ENTREP2: variants seen among roughly 807,000 people sequenced by gnomAD.
The protein encoded by ENTREP2 is endosomal transmembrane epsin interactor 2.
the ENTREP2 span, among the ~76,000 whole-genome samples, chr15:29,174,702 CAAAACAACA>C: frequency 8.6e-6 from 1 of 115,984 alleles, no homozygotes; most frequent in African/African-American, 4.2e-5. Context: ...CAAAACAAAA[CAAAACAACA>C]AAAAAAAAAA....
the ENTREP2 span, among the ~76,000 whole-genome samples, chr15:29,381,455 C>CAAAAA: frequency 2.5e-4 from 11 of 44,294 alleles, no homozygotes; most frequent in African/African-American, 7.8e-4. Flanking sequence ...GACTCTGTCT[C>CAAAAA]AAAAAAAAAA....
At chr15:29,142,065 C>G in the ENTREP2 span, among the ~76,000 whole-genome samples, 13 of 152,178 alleles carry the variant, frequency 8.5e-5, no homozygotes, top group African/African-American at 2.7e-4. Context: ...AAGCAGAAAC[C>G]GCTGCCAAGT....
At chr15:29,298,550 A>C in the ENTREP2 span, among the ~76,000 whole-genome samples, 1 of 152,178 alleles carries the variant, frequency 6.6e-6, no homozygotes. Context: ...TCCTACAGGC[A>C]TTAGAAAGCT....
chr15:29,123,584 T>G, the ENTREP2 span: 2 of 1,551,760 alleles, frequency 1.3e-6, no homozygotes, highest in East Asian at 4.9e-5. Context: ...TGGTCAGTTT[T>G]CCAGGTATCT....
chr15:29,220,606 C>T, the ENTREP2 span, among the ~76,000 whole-genome samples: 15 of 152,084 alleles, frequency 9.9e-5, no homozygotes, highest in Non-Finnish European at 1.5e-4. Flanking sequence ...TCCACAGGAA[C>T]GGTGGGAAAC....
chr15:29,465,094 C>A, the ENTREP2 span, among the ~76,000 whole-genome samples: 2 of 151,914 alleles, frequency 1.3e-5, no homozygotes, highest in African/African-American at 4.8e-5. Context: ...TGGGAGCTGC[C>A]CAGGCCATAG....
chr15:29,439,154 A>G, the ENTREP2 span, among the ~76,000 whole-genome samples: 5 of 152,152 alleles, frequency 3.3e-5, no homozygotes, highest in Admixed American at 6.5e-5. Context: ...AGACGATCCA[A>G]TCACTCTGAG....
the ENTREP2 span, chr15:29,122,234 G>C: frequency 6.6e-6 from 1 of 151,734 alleles, no homozygotes; most frequent in Non-Finnish European, 1.5e-5. Context: ...GATGCCACCA[G>C]AAAACAAGGG....
the ENTREP2 span, among the ~76,000 whole-genome samples, chr15:29,223,900 C>T: frequency 6.6e-5 from 10 of 152,302 alleles, no homozygotes; most frequent in Non-Finnish European, 1.0e-4. Flanking sequence ...TCCCAGTGCA[C>T]ATGAAGTAAA....
At chr15:29,453,168 C>A in the ENTREP2 span, among the ~76,000 whole-genome samples, 3 of 152,354 alleles carry the variant, frequency 2.0e-5, no homozygotes, top group Non-Finnish European at 2.9e-5. Flanking sequence ...CCGGCCTTCA[C>A]TGAACACCCC....
chr15:29,184,700 A>G, the ENTREP2 span, among the ~76,000 whole-genome samples: 1 of 152,288 alleles, frequency 6.6e-6, no homozygotes, highest in South Asian at 2.1e-4. Context: ...CTATGCAGCG[A>G]AACCAGCCCG....
chr15:29,304,316 C>CAGA, the ENTREP2 span, among the ~76,000 whole-genome samples: 36 of 152,266 alleles, frequency 2.4e-4, no homozygotes, highest in African/African-American at 8.7e-4. Context: ...CAGAACTCTC[C>CAGA]ACCCAAAATT....
the ENTREP2 span, among the ~76,000 whole-genome samples, chr15:29,457,854 T>C: frequency 6.6e-6 from 1 of 152,128 alleles, no homozygotes; most frequent in African/African-American, 2.4e-5. Flanking sequence ...ATAAGAACAC[T>C]GCAGGCCAGT....
the ENTREP2 span, among the ~76,000 whole-genome samples, chr15:29,322,971 A>G: frequency 6.6e-6 from 1 of 152,238 alleles, no homozygotes; most frequent in Non-Finnish European, 1.5e-5. Flanking sequence ...AATAGTCAAC[A>G]TCTATTGAGT....
At chr15:29,441,629 T>C in the ENTREP2 span, among the ~76,000 whole-genome samples, 2 of 152,210 alleles carry the variant, frequency 1.3e-5, no homozygotes, top group East Asian at 1.9e-4. Flanking sequence ...ATATAGACGA[T>C]ATTTTTTTAA....
the ENTREP2 span, among the ~76,000 whole-genome samples, chr15:29,323,109 T>G: frequency 6.6e-6 from 1 of 152,212 alleles, no homozygotes; most frequent in Non-Finnish European, 1.5e-5. Context: ...CCTCTTTTTT[T>G]GGCAAACAAT....
At chr15:29,639,048 G>A in the ENTREP2 span, among the ~76,000 whole-genome samples, 1 of 152,306 alleles carries the variant, frequency 6.6e-6, no homozygotes, top group Non-Finnish European at 1.5e-5. Flanking sequence ...GACTTTGTTG[G>A]GATGCTAAAG....
chr15:29,253,473 G>T, the ENTREP2 span, among the ~76,000 whole-genome samples: 4 of 147,644 alleles, frequency 2.7e-5, no homozygotes, highest in Admixed American at 2.0e-4. Flanking sequence ...TTTTGTGATG[G>T]AGTCTCACTC....
the ENTREP2 span, chr15:29,233,577 C>G: frequency 3.2e-6 from 2 of 616,096 alleles, no homozygotes; most frequent in Non-Finnish European, 5.7e-6. Flanking sequence ...ATTTAGTCCA[C>G]AAAATACTGA....
Sources: gnomAD v4.1 joint callset for allele counts (sites outside exome capture counted in the v4.1 genomes callset) on GRCh38, gnomAD v4.1.1 for gene constraint, MANE v1.5 for transcripts, NCBI Gene and HGNC (gene_info 2026-07-23, HGNC 2026-07-21) for gene names.